Variants in NELL2 observed in about 807,000 individuals in gnomAD.
The protein encoded by NELL2 is neural EGFL like 2, also known as protein kinase C-binding protein NELL2.
Under a neutral mutation model 109.6 loss-of-function variants are expected in NELL2, and 41 were observed. The ratio of observed to expected loss-of-function variants is 0.37; its 90% CI spans 0.29 to 0.49. The LOEUF (loss-of-function observed/expected upper bound fraction) is 0.49. NELL2 is among the 20% of genes least tolerant of loss of function. The pLI, the probability that NELL2 is intolerant of heterozygous loss-of-function variation, is 0.98. For missense variants in NELL2, 900 were observed against 1,008.3 expected, an observed-to-expected ratio of 0.89 and a Z score of 1.45; for synonymous variants, 355 against 344.7, an observed-to-expected ratio of 1.03 and a Z score of -0.33.
At chr12:44,728,640 T>G (rs1299825319) in intron 9 of NELL2, among the ~76,000 whole-genome samples, 1 of 151,894 alleles carries the variant, frequency 6.6e-6, no homozygotes, top group African/African-American at 2.4e-5. Context: ...CAAAATAACT[T>G]CAGCAAGATT....
chr12:44,603,049 C>T (rs905968850), intron 15 of NELL2, among the ~76,000 whole-genome samples: 7 of 152,108 alleles, frequency 4.6e-5, no homozygotes, highest in African/African-American at 1.7e-4. Context: ...ATGTAGGCCT[C>T]ATGCTTCATT....
chr12:44,524,992 A>G (rs998823094), intron 16 of NELL2, among the ~76,000 whole-genome samples: 1 of 152,208 alleles, frequency 6.6e-6, no homozygotes, highest in Non-Finnish European at 1.5e-5. Context: ...ATGAGTTGAT[A>G]TTTGTCTCCC....
At chr12:44,888,915 A>C (rs2136867305) in intron 1 of NELL2, among the ~76,000 whole-genome samples, 1 of 152,172 alleles carries the variant, frequency 6.6e-6, no homozygotes, top group Non-Finnish European at 1.5e-5. Flanking sequence ...GTAAAAAGAA[A>C]GGAGTTTGGA....
At chr12:44,881,444 G>A (rs1816785048) in intron 1 of NELL2, among the ~76,000 whole-genome samples, 1 of 151,616 alleles carries the variant, frequency 6.6e-6, no homozygotes, top group Admixed American at 6.6e-5. Context: ...AGAACCAAGT[G>A]GAAATTTTAG....
chr12:44,622,399 A>G (rs1234518424), intron 13 of NELL2, among the ~76,000 whole-genome samples: 1 of 152,140 alleles, frequency 6.6e-6, no homozygotes, highest in African/African-American at 2.4e-5. Context: ...TCACTAAGCT[A>G]GTGAAAATCT....
chr12:44,577,781 C>T (rs1464304496), intron 15 of NELL2, among the ~76,000 whole-genome samples: 5 of 152,012 alleles, frequency 3.3e-5, no homozygotes, highest in Admixed American at 2.0e-4. Context: ...CCTGGCCGAG[C>T]CTGCCTTCTC....
intron 9 of NELL2, among the ~76,000 whole-genome samples, chr12:44,747,498 A>G (rs1940438860): frequency 6.6e-6 from 1 of 152,106 alleles, no homozygotes; most frequent in South Asian, 2.1e-4. Context: ...TACATATAGC[A>G]TACAAAATAT....
chr12:44,658,150 T>C (rs1177792105), intron 13 of NELL2, among the ~76,000 whole-genome samples: 2 of 152,236 alleles, frequency 1.3e-5, no homozygotes, highest in African/African-American at 4.8e-5. Context: ...TGTTGTTTCC[T>C]GACTTTTTAA....
At chr12:44,741,106 C>T (rs1451727980) in intron 9 of NELL2, among the ~76,000 whole-genome samples, 2 of 152,128 alleles carry the variant, frequency 1.3e-5, no homozygotes, top group Non-Finnish European at 2.9e-5. Flanking sequence ...CGAACTCTTC[C>T]TCCTATTCCT....
chr12:44,667,968 G>A (rs1456923904), intron 12 of NELL2, among the ~76,000 whole-genome samples: 2 of 152,070 alleles, frequency 1.3e-5, no homozygotes, highest in Non-Finnish European at 2.9e-5. Flanking sequence ...GTTCACATAG[G>A]GTCCTACAAA....
At position 44,686,184 on chromosome 12, in the gene NELL2, C is replaced by A. The variant is rs1486414862; in HGVS notation, c.1318+17542G>T. 2.0e-5 allele frequency among the ~76,000 whole-genome samples: 3 copies of A among 152,180 alleles called. No individual in the cohort carries two copies. In the South Asian group the frequency reaches 6.2e-4, roughly 32 times the overall value. On this transcript the variant is annotated intron_variant, in intron 12 of 19. Coordinates refer to ENST00000429094, the MANE Select transcript of NELL2 (RefSeq NM_001145108.2). ...TTCATTTCATCTTCCATCGCTGATA[C>A]CCTTTCTTCCAGTTGATCACATCGG...
At chr12:44,592,035 C>T (rs1005186403) in intron 15 of NELL2, among the ~76,000 whole-genome samples, 9 of 152,130 alleles carry the variant, frequency 5.9e-5, no homozygotes, top group East Asian at 1.9e-4. Flanking sequence ...GAGAGTTTTT[C>T]GGAAGAGTGG....
intron 11 of NELL2, among the ~76,000 whole-genome samples, chr12:44,710,104 G>A (rs941040597): frequency 6.6e-6 from 1 of 152,126 alleles, no homozygotes; most frequent in Non-Finnish European, 1.5e-5. Context: ...ACTATTGAGT[G>A]GATGGAAAAG....
chr12:44,787,569 A>T (rs1457445946), intron 3 of NELL2, among the ~76,000 whole-genome samples: 1 of 152,218 alleles, frequency 6.6e-6, no homozygotes, highest in Non-Finnish European at 1.5e-5. Flanking sequence ...TTTATACAGT[A>T]CAGTAATCAA....
At chr12:44,905,407 T>C (rs1025943403) in intron 1 of NELL2, among the ~76,000 whole-genome samples, 1 of 152,050 alleles carries the variant, frequency 6.6e-6, no homozygotes, top group Admixed American at 6.6e-5. Flanking sequence ...GTTCCAAGCA[T>C]AAGTTCTTGT....
chr12:44,771,438 T>C (rs565135115), intron 9 of NELL2, among the ~76,000 whole-genome samples: 96 of 152,302 alleles, frequency 6.3e-4, no homozygotes, highest in African/African-American at 2.2e-3. Flanking sequence ...CCTGAATGAC[T>C]TGGAATTCTC....
intron 9 of NELL2, among the ~76,000 whole-genome samples, chr12:44,715,187 T>C (rs528118974): frequency 2.0e-5 from 3 of 150,978 alleles, no homozygotes; most frequent in African/African-American, 7.3e-5. Flanking sequence ...AGAAAGAAGG[T>C]ATATTCATTT....
chr12:44,777,936 T>C (rs1486016730), intron 5 of NELL2, among the ~76,000 whole-genome samples: 7 of 152,154 alleles, frequency 4.6e-5, no homozygotes, highest in Admixed American at 2.6e-4. Flanking sequence ...GAAAATTTTA[T>C]CACATGTTTA....
intron 1 of NELL2, among the ~76,000 whole-genome samples, chr12:44,892,722 C>G (rs938068297): frequency 1.4e-5 from 2 of 143,304 alleles, no homozygotes; most frequent in African/African-American, 5.2e-5. Context: ...GGCGTGAACC[C>G]GGGAGGCGGA....
Sources: allele counts gnomAD v4.1 joint callset (sites outside exome capture counted in the v4.1 genomes callset), GRCh38; gene constraint gnomAD v4.1.1; transcripts MANE v1.5; gene names NCBI Gene and HGNC (gene_info 2026-07-23, HGNC 2026-07-21).